ARHGAP15: variants seen among roughly 807,000 people sequenced by gnomAD.
The protein encoded by ARHGAP15 is rho GTPase-activating protein 15.
Under a neutral mutation model 63.7 loss-of-function variants are expected in ARHGAP15, and 51 were observed. The ratio of observed to expected loss-of-function variants is 0.80; its 90% CI spans 0.64 to 1.01. The LOEUF (loss-of-function observed/expected upper bound fraction) is 1.01. Ranked by LOEUF, ARHGAP15 falls within the 50% of genes least tolerant of loss-of-function variation. The pLI is 0.00. For synonymous variants in ARHGAP15, 191 were observed against 193.8 expected, an observed-to-expected ratio of 0.99 and a Z score of 0.12; for missense variants, 560 against 564.6, an observed-to-expected ratio of 0.99 and a Z score of 0.08.
At chr2:143,400,585 T>C (rs373706458) in intron 6 of ARHGAP15, among the ~76,000 whole-genome samples, 6 of 151,958 alleles carry the variant, frequency 3.9e-5, no homozygotes, top group East Asian at 3.9e-4. Context: ...AGGATACACA[T>C]GCAAAATTGA....
At chr2:143,389,277 T>C (rs1574377177) in intron 6 of ARHGAP15, among the ~76,000 whole-genome samples, 1 of 152,212 alleles carries the variant, frequency 6.6e-6, no homozygotes, top group East Asian at 1.9e-4. Context: ...ATGAGGTGTG[T>C]GGCGTTATAT....
At chr2:143,578,431 G>C (rs1024564065) in intron 11 of ARHGAP15, among the ~76,000 whole-genome samples, 23 of 152,244 alleles carry the variant, frequency 1.5e-4, no homozygotes, top group African/African-American at 5.3e-4. Context: ...TAATGATGTG[G>C]AATTATGTAG....
At chr2:143,324,336 T>C (rs529611027) in intron 6 of ARHGAP15, among the ~76,000 whole-genome samples, 91 of 152,206 alleles carry the variant, frequency 6.0e-4, no homozygotes, top group Admixed American at 1.3e-4. Context: ...ACTGGAAAAA[T>C]AGTCAATGGT....
At chr2:143,234,038 A>G (rs1229849968) in intron 5 of ARHGAP15, among the ~76,000 whole-genome samples, 3 of 151,988 alleles carry the variant, frequency 2.0e-5, no homozygotes. Flanking sequence ...TTCTCACTGT[A>G]TTCTCTAAAT....
rs143788480 is a variant in ARHGAP15 at position 143,739,678 on chromosome 2, G to A, written c.1245-28311G>A. Among the ~76,000 whole-genome samples, 1,411 of 152,176 alleles carry A rather than the reference G, an allele frequency of 9.3e-3. 9 individuals are homozygous for A. Among genetic ancestry groups the A allele is most frequent in the South Asian group, 0.033 (159 of 4,812 alleles). ...CACAACTCACTCATGCCTTCCCATT[G>A]GCCAATGTTCTCTTATCTTGACAAT... On this transcript the variant is annotated intron_variant, in intron 13 of 13. Coordinates refer to ENST00000295095, the MANE Select transcript of ARHGAP15 (RefSeq NM_018460.4).
chr2:143,390,850 C>T (rs534444301), intron 6 of ARHGAP15, among the ~76,000 whole-genome samples: 1 of 152,268 alleles, frequency 6.6e-6, no homozygotes, highest in South Asian at 2.1e-4. Context: ...TTTGCCTCCG[C>T]TTTTTACAGC....
At chr2:143,305,526 T>A (rs1683126711) in intron 6 of ARHGAP15, 1 of 152,112 alleles carries the variant, frequency 6.6e-6, no homozygotes, top group Admixed American at 6.6e-5. Context: ...GGGTGCTTCA[T>A]CAGACTTGTA....
At chr2:143,407,540 A>G (rs1688250974) in intron 6 of ARHGAP15, among the ~76,000 whole-genome samples, 1 of 151,744 alleles carries the variant, frequency 6.6e-6, no homozygotes, top group African/African-American at 2.4e-5. Flanking sequence ...AGCAACAACA[A>G]CAAACCAAAT....
intron 2 of ARHGAP15, among the ~76,000 whole-genome samples, chr2:143,173,736 G>C (rs1247144511): frequency 1.3e-5 from 2 of 152,008 alleles, no homozygotes; most frequent in Non-Finnish European, 2.9e-5. Context: ...AAGGTTAATG[G>C]CATATTATAT....
At chr2:143,305,827 T>A (rs1049373809) in intron 6 of ARHGAP15, among the ~76,000 whole-genome samples, 2 of 152,064 alleles carry the variant, frequency 1.3e-5, no homozygotes, top group Non-Finnish European at 2.9e-5. Flanking sequence ...ACAAATGGAA[T>A]TTTAGCAACT....
chr2:143,667,706 A>G (rs1222068665), intron 12 of ARHGAP15, among the ~76,000 whole-genome samples: 2 of 152,040 alleles, frequency 1.3e-5, no homozygotes, highest in South Asian at 4.1e-4. Context: ...AAAAAAATAC[A>G]CTGATGGCAG....
At chr2:143,259,113 G>A (rs190947760) in intron 6 of ARHGAP15, among the ~76,000 whole-genome samples, 1 of 151,806 alleles carries the variant, frequency 6.6e-6, no homozygotes, top group East Asian at 1.9e-4. Context: ...TCTGATATTT[G>A]AGATCTGCGA....
chr2:143,282,678 C>T (rs1332948205), intron 6 of ARHGAP15, among the ~76,000 whole-genome samples: 3 of 152,076 alleles, frequency 2.0e-5, no homozygotes, highest in Admixed American at 6.6e-5. Context: ...ATATTAATTG[C>T]TCCATCTTAA....
intron 13 of ARHGAP15, among the ~76,000 whole-genome samples, chr2:143,711,004 G>A (rs544847178): frequency 6.6e-6 from 1 of 152,268 alleles, no homozygotes; most frequent in South Asian, 2.1e-4. Context: ...ACAAAATCAG[G>A]GGTTGGAAAA....
At chr2:143,630,773 A>G (rs1243932687) in intron 12 of ARHGAP15, among the ~76,000 whole-genome samples, 1 of 151,794 alleles carries the variant, frequency 6.6e-6, no homozygotes, top group Non-Finnish European at 1.5e-5. Context: ...CCTTTCCTTA[A>G]TCTTTCTATA....
At chr2:143,445,157 T>TC (rs1193625499) in intron 8 of ARHGAP15, among the ~76,000 whole-genome samples, 5 of 121,414 alleles carry the variant, frequency 4.1e-5, no homozygotes, top group African/African-American at 1.6e-4. Context: ...ACAATTATTT[T>TC]TTTTTTTTTT....
intron 11 of ARHGAP15, among the ~76,000 whole-genome samples, chr2:143,594,316 G>GATATTTCAGGA (rs1320244851): frequency 4.6e-5 from 7 of 152,154 alleles, no homozygotes; most frequent in African/African-American, 1.7e-4. Context: ...GTGCAATGGG[G>GATATTTCAGGA]ACATTTCAGG....
At chr2:143,379,056 G>C (rs1370972870) in intron 6 of ARHGAP15, among the ~76,000 whole-genome samples, 1 of 151,784 alleles carries the variant, frequency 6.6e-6, no homozygotes, top group South Asian at 2.1e-4. Flanking sequence ...TCAAAAATTT[G>C]CAAGTTAAGC....
intron 8 of ARHGAP15, among the ~76,000 whole-genome samples, chr2:143,438,276 TACAC>T (rs1689703529): frequency 1.3e-5 from 2 of 152,116 alleles, no homozygotes; most frequent in East Asian, 1.9e-4. Context: ...TACATACACA[TACAC>T]ACGTATGTAT....
Sources: gnomAD v4.1 joint callset for allele counts (sites outside exome capture counted in the v4.1 genomes callset) on GRCh38, gnomAD v4.1.1 for gene constraint, MANE v1.5 for transcripts, NCBI Gene and HGNC (gene_info 2026-07-23, HGNC 2026-07-21) for gene names.